Variants in SNX9 observed in about 807,000 individuals in gnomAD.
SNX9 encodes sorting nexin-9.
In SNX9, 44 loss-of-function variants were observed where a neutral mutation model predicts 89.4. The ratio of observed to expected loss-of-function variants is 0.49; its 90% CI spans 0.39 to 0.63. The LOEUF is 0.63. Ranked by LOEUF, SNX9 falls within the 30% of genes least tolerant of loss-of-function variation. The probability of loss-of-function intolerance (pLI) is 0.00; values close to 1 mark genes in which losing one functional copy is unlikely to be tolerated. For missense variants in SNX9, 578 were observed against 736.1 expected, an observed-to-expected ratio of 0.79 and a Z score of 2.49; for synonymous variants, 236 against 247.8, an observed-to-expected ratio of 0.95 and a Z score of 0.45.
At position 157,943,390 on chromosome 6, in the gene SNX9, A is replaced by G. The variant is rs2115228518; in HGVS notation, c.*552A>G. The G allele has an allele frequency of 6.6e-6, 1 of 152,452 alleles. No homozygotes were observed. The highest frequency in any genetic ancestry group is 1.9e-4 in the East Asian group (1 of 5,184). The allele number at this position is 152,452 out of a possible 1,614,324, so 9.4% of individuals were successfully genotyped here. ...TGCCACAGTTACAGCTCAAGTGCTT[A>G]CACTTCAAGAGGGAGGACGCTGGGG... is the stretch of plus-strand genomic sequence containing the variant. On this transcript the variant is annotated 3_prime_UTR_variant, in exon 18 of 18. Coordinates refer to ENST00000392185, the MANE Select transcript of SNX9 (RefSeq NM_016224.5).
rs555180923 is a variant in SNX9, at chr6:157,870,627, C to T, written c.100-2475C>T. On this transcript the variant is annotated intron_variant, in intron 2 of 17. Transcript: ENST00000392185. ...TCAGACACTCTCACCTGCCCTCACACATACCCACACTCTCCTGCTCTCACA... is the reference window on the plus strand; with the variant it reads ...TCAGACACTCTCACCTGCCCTCACATATACCCACACTCTCCTGCTCTCACA... 2.4e-3 allele frequency among the ~76,000 whole-genome samples: 356 copies of T among 149,402 alleles called. 1 individual carries two copies. The highest frequency in any genetic ancestry group is 4.2e-3 in the Non-Finnish European group (287 of 67,532).
chr6:157,909,474 GGT>G (rs2115178909), intron 7 of SNX9, among the ~76,000 whole-genome samples, 189 bp from the exon 8 acceptor site: 1 of 152,224 alleles, frequency 6.6e-6, no homozygotes, highest in South Asian at 2.1e-4. Context: ...GTTTCCCACA[GGT>G]GTGTTCTTTA....
At chr6:157,880,925 C>G (rs748730940) in intron 4 of SNX9, among the ~76,000 whole-genome samples, 1 of 152,164 alleles carries the variant, frequency 6.6e-6, no homozygotes, top group African/African-American at 2.4e-5. Context: ...AAAAAGAGTT[C>G]TAAAGTATTT....
At chr6:157,928,470 G>A in intron 11 of SNX9, 129 bp from the exon 12 acceptor site, 1 of 688,184 alleles carries the variant, frequency 1.5e-6, no homozygotes, top group Non-Finnish European at 2.5e-6. Context: ...TGTATTTAAG[G>A]CTAACTTAGT....
At chr6:157,920,386 A>G (rs1016215407) in intron 9 of SNX9, among the ~76,000 whole-genome samples, 2 of 152,174 alleles carry the variant, frequency 1.3e-5, no homozygotes, top group Non-Finnish European at 2.9e-5. Context: ...ACCATTGAAC[A>G]TGGCATCTCC....
chr6:157,869,515 C>G (rs928005625), intron 2 of SNX9, among the ~76,000 whole-genome samples: 3 of 152,192 alleles, frequency 2.0e-5, no homozygotes, highest in Admixed American at 2.0e-4. Context: ...GGCTAAGTCA[C>G]TTAAAGCCAT....
intron 7 of SNX9, among the ~76,000 whole-genome samples, chr6:157,906,475 T>G (rs1230985170): frequency 6.6e-6 from 1 of 152,186 alleles, no homozygotes; most frequent in Non-Finnish European, 1.5e-5. Flanking sequence ...TTTTCTAAAG[T>G]GTCTTGAAGT....
At position 157,857,958 on chromosome 6, in the gene SNX9, C is replaced by T. The variant is rs541550203; in HGVS notation, c.13-9589C>T. Among the ~76,000 whole-genome samples the T allele has an allele frequency of 1.6e-4, 24 of 152,290 alleles. No homozygotes were observed. In the East Asian group the frequency reaches 2.7e-3, roughly 17 times the overall value. On this transcript the variant is annotated intron_variant, in intron 1 of 17. Coordinates refer to ENST00000392185, the MANE Select transcript of SNX9 (RefSeq NM_016224.5). ...ACTGACAATGCGTGGTTCTTGTGGT[C>T]TGGAGAGCCCATCTGAGGCTGGATA...
intron 6 of SNX9, among the ~76,000 whole-genome samples, chr6:157,903,914 CTCTG>C (rs1783158315): frequency 6.6e-6 from 1 of 152,218 alleles, no homozygotes; most frequent in Non-Finnish European, 1.5e-5. Context: ...TCTGAGGCAT[CTCTG>C]TCTCTCTGTA....
At chr6:157,900,442 G>A (rs1421285127) in intron 5 of SNX9, among the ~76,000 whole-genome samples, 2 of 152,166 alleles carry the variant, frequency 1.3e-5, no homozygotes, top group South Asian at 2.1e-4. Flanking sequence ...GCAATGCAAC[G>A]GGGTTCTCTT....
chr6:157,888,046 A>G (rs951889987), intron 4 of SNX9, among the ~76,000 whole-genome samples: 2 of 143,246 alleles, frequency 1.4e-5, no homozygotes, highest in South Asian at 4.4e-4. Context: ...CTAAGAGCAC[A>G]CACCGGGAGA....
intron 9 of SNX9, among the ~76,000 whole-genome samples, chr6:157,913,186 A>C (rs1367449096): frequency 6.6e-6 from 1 of 152,180 alleles, no homozygotes; most frequent in Non-Finnish European, 1.5e-5. Context: ...AGTAAATGCA[A>C]AGTTTGCAAT....
At chr6:157,894,106 C>CTTTTTTTTTTTTTTTTTTTTT (rs746909411) in intron 4 of SNX9, among the ~76,000 whole-genome samples, 2 of 89,530 alleles carry the variant, frequency 2.2e-5, no homozygotes, top group Non-Finnish European at 2.2e-5. Context: ...CTTTTCTTTT[C>CTTTTTTTTTTTTTTTTTTTTT]TTTTTTTTTT....
rs992279617 is a variant in SNX9 at position 157,942,845 on chromosome 6, A to G, written c.*7A>G. On this transcript the variant is annotated 3_prime_UTR_variant, in exon 18 of 18. Coordinates refer to ENST00000392185, the MANE Select transcript of SNX9 (RefSeq NM_016224.5). ...CCGCTTTCCAGTGATGTAGGACAGAACGGGCCTTGAAGAGAATGCCGCGTG... is the reference window on the plus strand; with the variant it reads ...CCGCTTTCCAGTGATGTAGGACAGAGCGGGCCTTGAAGAGAATGCCGCGTG... 7 of 1,612,760 alleles carry G rather than the reference A, an allele frequency of 4.3e-6. No individual in the cohort carries two copies. The East Asian group carries it at 1.1e-4, about 26-fold the overall frequency.
At chr6:157,885,996 C>G (rs535533328) in intron 4 of SNX9, among the ~76,000 whole-genome samples, 1 of 152,196 alleles carries the variant, frequency 6.6e-6, no homozygotes, top group African/African-American at 2.4e-5. Flanking sequence ...AATTCTTAAA[C>G]CTAGCCCTCC....
At chr6:157,923,299 C>T (rs1783620449) in intron 10 of SNX9, among the ~76,000 whole-genome samples, 1 of 151,922 alleles carries the variant, frequency 6.6e-6, no homozygotes, top group Admixed American at 6.6e-5. Flanking sequence ...AGTAGCAGCT[C>T]GTGTAAATAA....
intron 1 of SNX9, among the ~76,000 whole-genome samples, chr6:157,839,643 G>A (rs573509742): frequency 6.6e-6 from 1 of 152,326 alleles, no homozygotes; most frequent in African/African-American, 2.4e-5. Context: ...GTCCTGCTGG[G>A]GAAGCAGACC....
At chr6:157,911,910 C>T (rs189664552) in intron 9 of SNX9, among the ~76,000 whole-genome samples, 7 of 152,324 alleles carry the variant, frequency 4.6e-5, no homozygotes, top group African/African-American at 1.7e-4. Flanking sequence ...GGCTGCACTA[C>T]TGGGTAGATA....
At chr6:157,885,452 G>T (rs562805056) in intron 4 of SNX9, 7 of 152,320 alleles carry the variant, frequency 4.6e-5, no homozygotes, top group Non-Finnish European at 1.0e-4. Context: ...AAAGTGGTTA[G>T]ATTTTTTTAT....
Sources: gnomAD v4.1 joint callset for allele counts (sites outside exome capture counted in the v4.1 genomes callset) on GRCh38, gnomAD v4.1.1 for gene constraint, MANE v1.5 for transcripts, NCBI Gene and HGNC (gene_info 2026-07-23, HGNC 2026-07-21) for gene names.